The following PGBD5 variants were observed in gnomAD, a reference collection of about 807,000 sequenced individuals.
PGBD5 encodes piggyBac transposable element-derived protein 5.
PGBD5 carries 14 observed loss-of-function variants against 47.9 expected under a neutral mutation model. That is an observed-to-expected ratio of 0.29 (90% confidence interval 0.19 to 0.46). The LOEUF is 0.46. PGBD5 is among the 20% of genes least tolerant of loss of function. The probability of loss-of-function intolerance (pLI) is 1.00; values close to 1 mark genes in which losing one functional copy is unlikely to be tolerated. For synonymous variants in PGBD5, 316 were observed against 306.3 expected, an observed-to-expected ratio of 1.03 and a Z score of -0.33; for missense variants, 635 against 716.0, an observed-to-expected ratio of 0.89 and a Z score of 1.29.
At position 230,332,866 on chromosome 1, in the gene PGBD5, G is replaced by T; in HGVS notation, c.1251C>A (p.Asn417Lys). Residue 417 changes from asparagine (N) to lysine (K), a missense_variant, in exon 5 of 7, where the codon AAC becomes AAA. Physicochemically the swap from Asn to Lys is moderately conservative, Grantham distance 94. Transcript: ENST00000391860. ...CACCCTGCTGCACCGGGGAGTAGGC[G>T]TTGGTCAGGAAGCGGAAGTGTCCTT... ...YNKGHFRFLT[N>K]AYSPVQQGVI... 1 of 1,614,244 alleles carries T rather than the reference G, an allele frequency of 6.2e-7. No homozygotes were observed. The highest frequency in any genetic ancestry group is 8.5e-7 in the Non-Finnish European group (1 of 1,180,040).
Position 230,323,711 on chromosome 1 carries a change from G to A in PGBD5, c.1380-91C>T. 1 of 1,316,248 alleles carries A rather than the reference G, an allele frequency of 7.6e-7. No homozygotes were observed. The highest frequency in any genetic ancestry group is 1.1e-6 in the Non-Finnish European group (1 of 947,446). 81.5% of individuals were successfully genotyped at this position (1,316,248 alleles called of 1,614,324 possible). On this transcript the variant is annotated intron_variant, in intron 6 of 6. Transcript: ENST00000391860. The surrounding 1 kb of genome is among the most constrained non-coding windows in gnomAD (Gnocchi z 4.1). The stretch of plus-strand genomic sequence containing the variant: ...GGCCCCCCCTCACCACAGCCCGTGA[G>A]ACGCTGCAGGTTCGCCCCCGACAGA...
chr1:230,339,371 C>T (rs1049546107), intron 3 of PGBD5, among the ~76,000 whole-genome samples: 4 of 152,250 alleles, frequency 2.6e-5, no homozygotes, highest in East Asian at 3.9e-4. Flanking sequence ...GGTATAAATA[C>T]GCATAAACTT....
chr1:230,323,591 G>C lies in PGBD5; in HGVS notation c.1409C>G (p.Thr470Ser). Residue 470 changes from threonine to serine, a missense_variant, in exon 7 of 7, where the codon ACC (threonine) becomes AGC (serine). By Grantham distance (58) the Thr-to-Ser change is moderately conservative (BLOSUM62 1). Coordinates refer to ENST00000391860, the MANE Select transcript of PGBD5 (RefSeq NM_001258311.2). This position sits in a 1 kb window ranked among gnomAD's most constrained non-coding sequence, Gnocchi z 4.1. The part of the protein sequence containing the change: ...KYFISHKPNK[T>S]WQQVFWFAIS... ...GGCGAACCAGAACACCTGCTGCCAGGTCTTGTTTGGTTTATGAGAAATGAA... is the reference window on the plus strand; with the variant it reads ...GGCGAACCAGAACACCTGCTGCCAGCTCTTGTTTGGTTTATGAGAAATGAA... The C allele has an allele frequency of 6.2e-7, 1 of 1,614,096 alleles. No homozygotes were observed. Among genetic ancestry groups the C allele is most frequent in the South Asian group, 1.1e-5 (1 of 91,066 alleles).
At chr1:230,402,128 A>G (rs1248029382) in intron 1 of PGBD5, among the ~76,000 whole-genome samples, 1 of 152,212 alleles carries the variant, frequency 6.6e-6, no homozygotes, top group Non-Finnish European at 1.5e-5. Flanking sequence ...CTTAAAAAAA[A>G]AGAAATGAAC....
chr1:230,425,821 G>A lies in PGBD5; in HGVS notation c.108C>T (p.Ser36=), dbSNP rs527258097. The change falls in exon 1 of 7, where the codon TCC becomes TCT. Residue 36 remains serine (S), a synonymous_variant. Coordinates refer to ENST00000391860, the MANE Select transcript of PGBD5 (RefSeq NM_001258311.2). This position sits in a 1 kb window ranked among gnomAD's most constrained non-coding sequence, Gnocchi z 4.7. The part of the protein sequence containing the change: ...LHISDDVFGE[S]GPDSGGNPFY... ...AGGGGTTCCCGCCGCTGTCCGGGCC[G>A]GACTCGCCGAACACGTCGTCCGAGA... 574 of 1,207,574 alleles carry A rather than the reference G, an allele frequency of 4.8e-4. 5 individuals carry two copies. In the African/African-American group the frequency reaches 8.3e-3, roughly 17 times the overall value. 74.8% of individuals were successfully genotyped at this position (1,207,574 alleles called of 1,614,324 possible).
Position 230,337,276 on chromosome 1 carries a change from G to T in PGBD5, c.907C>A (p.Leu303Met), listed in dbSNP as rs770792480. Residue 303 changes from leucine (L) to methionine (M), a missense_variant, in exon 4 of 7, where the codon CTG (leucine) becomes ATG (methionine). Coordinates refer to ENST00000391860, the MANE Select transcript of PGBD5 (RefSeq NM_001258311.2). Reference protein sequence around the residue: ...TGFIIQIYVHLKEGGGPDGLD... With the variant: ...TGFIIQIYVHMKEGGGPDGLD... ...CCATCTGGGCCCCCACCTTCCTTCA[G>T]GTGGACATAAATCTTTAACAGAAAC... The T allele has an allele frequency of 5.6e-6, 9 of 1,611,128 alleles. No homozygotes were observed. The East Asian group carries it at 2.0e-4, about 36-fold the overall frequency.
intron 1 of PGBD5, among the ~76,000 whole-genome samples, chr1:230,412,145 A>G (rs1657422711): frequency 6.6e-6 from 1 of 152,108 alleles, no homozygotes; most frequent in Non-Finnish European, 1.5e-5. Flanking sequence ...GGGTCAGAAA[A>G]AGGACTCCAG....
At chr1:230,350,829 G>C (rs1288593437) in intron 3 of PGBD5, 129 bp downstream of exon 3, 3 of 1,336,892 alleles carry the variant, frequency 2.2e-6, no homozygotes, top group South Asian at 3.0e-5. Flanking sequence ...AGGAGCATCT[G>C]GGTGGACTTG....
chr1:230,333,424 C>A (rs1272317570), intron 4 of PGBD5, among the ~76,000 whole-genome samples: 1 of 152,200 alleles, frequency 6.6e-6, no homozygotes, highest in Non-Finnish European at 1.5e-5. Flanking sequence ...CTTCTGCACT[C>A]CATAGGTTAT....
intron 1 of PGBD5, among the ~76,000 whole-genome samples, chr1:230,372,576 T>C (rs1667946565): frequency 6.6e-6 from 1 of 152,172 alleles, no homozygotes; most frequent in Non-Finnish European, 1.5e-5. Context: ...TACTCTCCAA[T>C]GGAAACCCTC....
chr1:230,396,483 G>GCCAGGGTCCTCCTCCACTCAC (rs1656981499), intron 1 of PGBD5, among the ~76,000 whole-genome samples: 1 of 109,084 alleles, frequency 9.2e-6, no homozygotes, highest in South Asian at 3.4e-4. Flanking sequence ...TACTTCCGCA[G>GCCAGGGTCCTCCTCCACTCAC]CCAGGGTCCT....
chr1:230,418,841 C>T (rs1657582407), intron 1 of PGBD5, among the ~76,000 whole-genome samples: 1 of 152,196 alleles, frequency 6.6e-6, no homozygotes, highest in South Asian at 2.1e-4. Context: ...CACAGGTATA[C>T]CCATGTAAGA....
chr1:230,365,423 C>A (rs79274680), intron 1 of PGBD5, among the ~76,000 whole-genome samples: 6,587 of 152,240 alleles, frequency 0.043, 161 homozygotes, highest in South Asian at 0.071. Context: ...GACAATGCCC[C>A]CAAAGCCCAA....
chr1:230,413,752 G>A (rs934684948), intron 1 of PGBD5, among the ~76,000 whole-genome samples: 15 of 152,054 alleles, frequency 9.9e-5, no homozygotes, highest in Admixed American at 6.6e-4. Context: ...CAACCTGCTC[G>A]TGTCAGCACC....
intron 1 of PGBD5, among the ~76,000 whole-genome samples, chr1:230,392,327 C>T (rs1656805718): frequency 6.6e-6 from 1 of 152,166 alleles, no homozygotes; most frequent in African/African-American, 2.4e-5. Flanking sequence ...CCACGTACCC[C>T]TGCGTCTCCC....
intron 1 of PGBD5, among the ~76,000 whole-genome samples, chr1:230,361,632 C>T (rs953069827): frequency 6.6e-5 from 10 of 152,176 alleles, no homozygotes; most frequent in Admixed American, 6.5e-4. Flanking sequence ...TCAGCAGTGA[C>T]TAGAAAAGGA....
At chr1:230,367,360 GGAGAAAGGGACCACGTCAC>G (rs1469158365) in intron 1 of PGBD5, among the ~76,000 whole-genome samples, 2 of 152,164 alleles carry the variant, frequency 1.3e-5, no homozygotes, top group Admixed American at 6.5e-5. Context: ...GAAAGGCAAT[GGAGAAAGGGACCACGTCAC>G]CAGCCATGTA....
In PGBD5 at chr1:230,350,952, G is replaced by A; in HGVS notation, c.894+6C>T. The A allele has an allele frequency of 6.2e-7, 1 of 1,613,668 alleles. No homozygotes were observed. On this transcript the variant is annotated splice_donor_region_variant and intron_variant, in intron 3 of 6. Transcript: ENST00000391860. ...CGACCCTCCCCGGGCTCAGCCCAGGGCTCACCTGGATGATGAAGCCAGTGG... is the reference window on the plus strand; with the variant it reads ...CGACCCTCCCCGGGCTCAGCCCAGGACTCACCTGGATGATGAAGCCAGTGG...
In PGBD5 at chr1:230,315,619, T is replaced by C. The variant is rs1288433102; in HGVS notation, c.*7806A>G. 6.6e-6 allele frequency: 1 copy of C among 151,960 alleles called. No individual in the cohort carries two copies. The allele number at this position is 151,960 out of a possible 1,614,324, so 9.4% of individuals were successfully genotyped here. A position where few individuals can be genotyped will look rare whatever the true frequency, so the allele number is the denominator to read the frequency against. On this transcript the variant is annotated 3_prime_UTR_variant, in exon 7 of 7. Transcript: ENST00000391860. ...GGCCAGGACTGGACATGTGGTTTGA[T>C]TGCTAAGGACCTAGCAGAGGCTCAT... is the stretch of plus-strand genomic sequence containing the variant.
Sources: gnomAD v4.1 joint callset for allele counts (sites outside exome capture counted in the v4.1 genomes callset) on GRCh38, gnomAD v4.1.1 for gene constraint, Gnocchi (gnomAD v3.1) non-coding constraint, MANE v1.5 for transcripts, NCBI Gene and HGNC (gene_info 2026-07-23, HGNC 2026-07-21) for gene names.